Variants in FERRY3 observed in about 807,000 individuals in gnomAD.
FERRY3 encodes FERRY endosomal RAB5 effector complex subunit 3.
At chr12:4,526,659 T>C in the FERRY3 span, among the ~76,000 whole-genome samples, 4 of 152,008 alleles carry the variant, frequency 2.6e-5, no homozygotes, top group African/African-American at 9.7e-5. Context: ...CTGGCCAACG[T>C]GATGAAACTC....
the FERRY3 span, among the ~76,000 whole-genome samples, chr12:4,521,241 C>A: frequency 6.6e-6 from 1 of 152,040 alleles, no homozygotes; most frequent in Non-Finnish European, 1.5e-5. Flanking sequence ...CGCCTGTAAT[C>A]CCAGCTACTT....
the FERRY3 span, among the ~76,000 whole-genome samples, chr12:4,517,362 T>C: frequency 6.6e-6 from 1 of 152,284 alleles, no homozygotes; most frequent in South Asian, 2.1e-4. Context: ...CAATTTTGTT[T>C]TGATTAGAGA....
the FERRY3 span, among the ~76,000 whole-genome samples, chr12:4,500,614 T>A: frequency 6.6e-6 from 1 of 152,256 alleles, no homozygotes; most frequent in Admixed American, 6.5e-5. Context: ...TGAGTACTCA[T>A]CTTTATTTTG....
the FERRY3 span, among the ~76,000 whole-genome samples, chr12:4,532,126 A>G: frequency 7.2e-6 from 1 of 139,454 alleles, no homozygotes. Flanking sequence ...GCTATCCCTC[A>G]TGTTAATGTA....
chr12:4,513,632 A>T, the FERRY3 span, among the ~76,000 whole-genome samples: 42 of 152,178 alleles, frequency 2.8e-4, no homozygotes, highest in Non-Finnish European at 5.0e-4. Flanking sequence ...TGAGAAAAAC[A>T]AGCAATGGGG....
At chr12:4,520,590 G>A in the FERRY3 span, among the ~76,000 whole-genome samples, 5 of 152,118 alleles carry the variant, frequency 3.3e-5, no homozygotes, top group Admixed American at 6.5e-5. Context: ...AAATGAAGCC[G>A]GTGGTACATT....
chr12:4,520,738 A>C, the FERRY3 span, among the ~76,000 whole-genome samples: 1 of 152,220 alleles, frequency 6.6e-6, no homozygotes, highest in African/African-American at 2.4e-5. Flanking sequence ...TTGTGTAACC[A>C]AACACCACCT....
At chr12:4,496,091 C>T in the FERRY3 span, among the ~76,000 whole-genome samples, 3 of 152,304 alleles carry the variant, frequency 2.0e-5, no homozygotes, top group Admixed American at 6.5e-5. Context: ...CACACACATA[C>T]GTCTGAGTTG....
At chr12:4,529,892 C>G in the FERRY3 span, 1 of 1,588,324 alleles carries the variant, frequency 6.3e-7, no homozygotes, top group South Asian at 1.2e-5. Context: ...TTTTCAGCTC[C>G]ACATCTCTTT....
chr12:4,493,078 T>C, the FERRY3 span, among the ~76,000 whole-genome samples: 1 of 152,330 alleles, frequency 6.6e-6, no homozygotes, highest in African/African-American at 2.4e-5. Flanking sequence ...TCTTCATTTT[T>C]CAATGTCCAG....
chr12:4,528,054 GT>G, the FERRY3 span, among the ~76,000 whole-genome samples: 3 of 152,114 alleles, frequency 2.0e-5, no homozygotes, highest in African/African-American at 7.2e-5. Flanking sequence ...TAGATATATA[GT>G]TTTCTAGGGG....
chr12:4,534,075 T>A, the FERRY3 span: 1 of 1,405,968 alleles, frequency 7.1e-7, no homozygotes, highest in Non-Finnish European at 9.6e-7. Flanking sequence ...TTATAACGAT[T>A]TCAGGATTAC....
chr12:4,529,830 G>A, the FERRY3 span: 20 of 1,485,654 alleles, frequency 1.3e-5, no homozygotes, highest in Admixed American at 1.4e-4. Flanking sequence ...ATTTGACAAC[G>A]TAACATTTAA....
chr12:4,517,620 AAGTG>A, the FERRY3 span, among the ~76,000 whole-genome samples: 1 of 149,756 alleles, frequency 6.7e-6, no homozygotes, highest in Non-Finnish European at 1.5e-5. Flanking sequence ...TAATCATAAA[AAGTG>A]AATTGTACTA....
the FERRY3 span, among the ~76,000 whole-genome samples, chr12:4,504,515 CG>C: frequency 1.3e-5 from 2 of 152,008 alleles, no homozygotes; most frequent in East Asian, 1.9e-4. Context: ...AGCAGAAAAA[CG>C]TAAGAGGAAA....
the FERRY3 span, chr12:4,518,666 T>A: frequency 4.2e-6 from 3 of 714,948 alleles, no homozygotes; most frequent in Non-Finnish European, 6.5e-6. Flanking sequence ...AAGACCAGCC[T>A]GGGCAACATA....
chr12:4,500,069 A>G, the FERRY3 span: 1 of 1,423,360 alleles, frequency 7.0e-7, no homozygotes, highest in East Asian at 2.4e-5. Context: ...TTATTATATA[A>G]TATTGGGGGT....
the FERRY3 span, among the ~76,000 whole-genome samples, chr12:4,512,378 T>C: frequency 2.0e-5 from 3 of 152,238 alleles, no homozygotes; most frequent in Admixed American, 6.5e-5. Flanking sequence ...GAATCCTCCC[T>C]AACTCATTTT....
chr12:4,489,928 T>G, the FERRY3 span: 1 of 1,342,220 alleles, frequency 7.5e-7, no homozygotes, highest in Non-Finnish European at 1.1e-6. Flanking sequence ...ATAATTGCAC[T>G]TGTTAAATCA....
Sources: allele counts gnomAD v4.1 joint callset (sites outside exome capture counted in the v4.1 genomes callset), GRCh38; gene constraint gnomAD v4.1.1; transcripts MANE v1.5; gene names NCBI Gene and HGNC (gene_info 2026-07-23, HGNC 2026-07-21).